Variants in MRGPRX1 observed in about 807,000 individuals in gnomAD.
The protein encoded by MRGPRX1 is mas-related G protein-coupled receptor member X1.
For missense variants in MRGPRX1, 411 were observed against 393.8 expected (o/e 1.04, Z -0.37); for synonymous variants, 208 against 170.4 (o/e 1.22, Z -1.72).
In MRGPRX1 at chr11:18,934,780, T is replaced by A. The variant is rs778923998; in HGVS notation, c.5A>T (p.Asp2Val). M[D>V]PTISTLDTEL... is the part of the protein sequence containing the mutation. ...TGTGTCCAAGGTTGAGATGGTTGGA[T>A]CCATGCTCAGAAACCCTAGTCTGGT... Residue 2 changes from aspartate (D) to valine (V), a missense_variant, in exon 2 of 2, where the codon GAT (aspartate) becomes GTT (valine). Transcript: ENST00000526914. The A allele has an allele frequency of 7.0e-6, 11 of 1,565,574 alleles. No individual in the cohort carries two copies. The South Asian group carries it at 1.3e-4, about 19-fold the overall frequency.
rs1423587948 is a variant in MRGPRX1 at position 18,934,613 on chromosome 11, T to C, written c.172A>G (p.Arg58Gly). 7.5e-6 allele frequency: 12 copies of C among 1,609,936 alleles called. No individual in the cohort carries two copies. The highest frequency in any genetic ancestry group is 1.3e-5 in the African/African-American group (1 of 74,698). Residue 58 changes from arginine to glycine, a missense_variant, in exon 2 of 2, where the codon AGG (arginine) becomes GGG (glycine). Arg to Gly is a moderately radical substitution (Grantham distance 125, BLOSUM62 -2). Transcript: ENST00000526914. ...AGGATGTAGATGGAGAAGGCGTTCC[T>C]GCGCATGCGGCAGCCCAGGAGCCAG... ...VLWLLGCRMR[R>G]NAFSIYILNL... is the part of the protein sequence containing the mutation.
At position 18,934,658 on chromosome 11, in the gene MRGPRX1, T is replaced by A; in HGVS notation, c.127A>T (p.Thr43Ser). 1 of 1,610,806 alleles carries A rather than the reference T, an allele frequency of 6.2e-7. No individual in the cohort carries two copies. The highest frequency in any genetic ancestry group is 2.2e-5 in the East Asian group (1 of 44,790). Residue 43 changes from threonine to serine, a missense_variant, in exon 2 of 2, where the codon ACA (threonine) becomes TCA (serine). By Grantham distance (58) the Thr-to-Ser change is moderately conservative (BLOSUM62 1). Transcript: ENST00000526914. ...LTCIVSLVGL[T>S]GNAVVLWLLG... The stretch of plus-strand genomic sequence containing the variant: ...AGCCAGAGCACAACTGCGTTTCCTG[T>A]CAGCCCGACAAGGGAAACGATGCAC...
In MRGPRX1 at chr11:18,934,272, A is replaced by G. The variant is rs1205241881; in HGVS notation, c.513T>C (p.Ala171=). The part of the protein sequence containing the change: ...CGFLFSGADS[A]WCQTSDFITV... The stretch of plus-strand genomic sequence containing the variant: ...TGATGAAATCTGATGTTTGACACCA[A>G]GCAGAATCAGCACCACTGAACAGGA... The change falls in exon 2 of 2, where the codon GCT becomes GCC. Residue 171 remains alanine (A), a synonymous_variant. Transcript: ENST00000526914. 6 of 1,610,528 alleles carry G rather than the reference A, an allele frequency of 3.7e-6. 1 individual carries two copies. Among genetic ancestry groups the G allele is most frequent in the African/African-American group, 2.7e-5 (2 of 74,638 alleles).
Position 18,936,923 on chromosome 11 carries a change from G to A in MRGPRX1, c.-25-2114C>T, listed in dbSNP as rs781082039. Among the ~76,000 whole-genome samples the A allele has an allele frequency of 3.6e-4, 55 of 151,484 alleles. 1 individual carries two copies. Among genetic ancestry groups the A allele is most frequent in the Non-Finnish European group, 6.0e-4 (41 of 67,810 alleles). On this transcript the variant is annotated intron_variant, in intron 1 of 1. Coordinates refer to ENST00000526914, the MANE Select transcript of MRGPRX1 (RefSeq NM_001393578.1). Reference sequence around the variant, plus strand: ...TGAGACTTCTGTATGGTTCTCTGCCGCATGATTCATTATTTCAGAGGAGTT... The same window carrying A: ...TGAGACTTCTGTATGGTTCTCTGCCACATGATTCATTATTTCAGAGGAGTT...
chr11:18,935,692 G>A (rs1030629313), intron 1 of MRGPRX1, among the ~76,000 whole-genome samples: 16 of 151,434 alleles, frequency 1.1e-4, no homozygotes, highest in African/African-American at 3.9e-4. Flanking sequence ...GGTCTGAGCT[G>A]AATTGCTCAG....
intron 1 of MRGPRX1, among the ~76,000 whole-genome samples, chr11:18,935,669 T>C (rs1248384142): frequency 6.6e-6 from 1 of 151,388 alleles, no homozygotes; most frequent in Non-Finnish European, 1.5e-5. Context: ...CACAGTGTTT[T>C]GGGTAGGGTG....
intron 1 of MRGPRX1, among the ~76,000 whole-genome samples, chr11:18,935,909 T>C (rs930402530): frequency 4.0e-5 from 6 of 151,396 alleles, no homozygotes; most frequent in African/African-American, 1.5e-4. Context: ...TGAGGCGAAA[T>C]AGGAGATATG....
intron 1 of MRGPRX1, chr11:18,935,045 A>T: frequency 2.3e-6 from 1 of 431,530 alleles, no homozygotes; most frequent in Non-Finnish European, 4.1e-6. Context: ...TGGGAATAAC[A>T]TTAGGATCAA....
intron 1 of MRGPRX1, among the ~76,000 whole-genome samples, chr11:18,936,897 A>T (rs1363425940): frequency 1.3e-5 from 2 of 151,520 alleles, no homozygotes; most frequent in African/African-American, 4.8e-5. Flanking sequence ...GGAGCCCTGC[A>T]TGAGACTTCT....
intron 1 of MRGPRX1, 158 bp from the exon 2 acceptor site, chr11:18,934,967 T>C: frequency 1.2e-6 from 1 of 804,724 alleles, no homozygotes; most frequent in East Asian, 2.8e-5. Flanking sequence ...AAATCCAGTT[T>C]GAAATCCAGT....
Position 18,933,713 on chromosome 11 carries a change from A to G in MRGPRX1, c.*103T>C. On this transcript the variant is annotated 3_prime_UTR_variant, in exon 2 of 2. Coordinates refer to ENST00000526914, the MANE Select transcript of MRGPRX1 (RefSeq NM_001393578.1). ...ATTTGAAGACCTTGAGGAACCACTG[A>G]GACATTTCTGAGGCAGAAGGCTAAG... is the stretch of plus-strand genomic sequence containing the variant. The G allele has an allele frequency of 6.7e-7, 1 of 1,498,134 alleles. No homozygotes were observed. Among genetic ancestry groups the G allele is most frequent in the Non-Finnish European group, 8.9e-7 (1 of 1,119,014 alleles). The allele number at this position is 1,498,134 out of a possible 1,614,324, so 92.8% of individuals were successfully genotyped here.
chr11:18,935,699 T>C (rs989195291), intron 1 of MRGPRX1, among the ~76,000 whole-genome samples: 3 of 151,426 alleles, frequency 2.0e-5, no homozygotes, highest in African/African-American at 7.3e-5. Flanking sequence ...GCTGAATTGC[T>C]CAGCAATAGA....
rs766397908 is a variant in MRGPRX1, at chr11:18,933,982, T to C, written c.803A>G (p.Asn268Ser). 6.2e-7 allele frequency: 1 copy of C among 1,610,600 alleles called. No homozygotes were observed. The stretch of plus-strand genomic sequence containing the variant: ...GCCCACGAAGAAGTAAATGATGGGG[T>C]TGGCACTGCTGTTAAGAGCGGACAG... The part of the protein sequence containing the change: ...IFLSALNSSA[N>S]PIIYFFVGSF... Residue 268 changes from asparagine to serine, a missense_variant, in exon 2 of 2, where the codon AAC (asparagine) becomes AGC (serine). Physicochemically the swap from Asn to Ser is conservative, Grantham distance 46. Coordinates refer to ENST00000526914, the MANE Select transcript of MRGPRX1 (RefSeq NM_001393578.1).
At position 18,934,665 on chromosome 11, in the gene MRGPRX1, G is replaced by T. The variant is rs190202266; in HGVS notation, c.120C>A (p.Val40=). ...LTVLTCIVSL[V]GLTGNAVVLW... is the part of the protein sequence containing the mutation. ...GCACAACTGCGTTTCCTGTCAGCCC[G>T]ACAAGGGAAACGATGCACGTCAGCA... The change falls in exon 2 of 2, where the codon GTC becomes GTA. Residue 40 remains valine, a synonymous_variant. Transcript: ENST00000526914. 6 of 1,610,840 alleles carry T rather than the reference G, an allele frequency of 3.7e-6. No homozygotes were observed. The highest frequency in any genetic ancestry group is 3.3e-5 in the South Asian group (3 of 90,776).
intron 1 of MRGPRX1, among the ~76,000 whole-genome samples, chr11:18,938,875 C>G (rs1454075292): frequency 6.6e-6 from 1 of 151,524 alleles, no homozygotes; most frequent in Non-Finnish European, 1.5e-5. Context: ...TTTGGACCAC[C>G]TATTTCTTCC....
Position 18,937,446 on chromosome 11 carries a change from T to C in MRGPRX1, c.-26+1834A>G, listed in dbSNP as rs901403449. Among the ~76,000 whole-genome samples the C allele has an allele frequency of 2.2e-4, 33 of 151,494 alleles. 2 individuals are homozygous for C. Among genetic ancestry groups the C allele is most frequent in the Admixed American group, 1.7e-3 (25 of 15,130 alleles). On this transcript the variant is annotated intron_variant, in intron 1 of 1. Transcript: ENST00000526914. ...CACACCAAAATCTGCAGATGCTCAA[T>C]TTCCTTATATAAAATGATGTGATAG...
rs375703928 is a variant in MRGPRX1 at position 18,933,838 on chromosome 11, G to T, written c.947C>A (p.Ser316Ter). ...TCCTCACTGCTCCAATCTGCTTCCC[G>T]ACAGCTCCAGGATTTCCTCAGGAAG... ...GQLPEEILEL[S>*]GSRLEQ The change falls in exon 2 of 2, where the codon TCG becomes TAG. Residue 316 changes from serine (S) to a stop codon, truncating the protein, a stop_gained. Coordinates refer to ENST00000526914, the MANE Select transcript of MRGPRX1 (RefSeq NM_001393578.1). LOFTEE classifies it low-confidence loss of function (END_TRUNC). 6.2e-7 allele frequency: 1 copy of T among 1,608,642 alleles called. No individual in the cohort carries two copies. Among genetic ancestry groups the T allele is most frequent in the Non-Finnish European group, 8.5e-7 (1 of 1,177,228 alleles).
chr11:18,934,108 A>T lies in MRGPRX1; in HGVS notation c.677T>A (p.Leu226His), dbSNP rs1848814944. 6.2e-7 allele frequency: 1 copy of T among 1,610,890 alleles called. No homozygotes were observed. The highest frequency in any genetic ancestry group is 1.1e-5 in the South Asian group (1 of 90,804). ...AATGCCAAAGGGCAGGCCACAGAGG[A>T]GGAAGACCAGTACTGTGAGCAGGAT... ...VTILLTVLVF[L>H]LCGLPFGIQF... The change falls in exon 2 of 2, where the codon CTC (leucine) becomes CAC (histidine). Residue 226 changes from leucine (L) to histidine (H), a missense_variant. Physicochemically the swap from Leu to His is moderately conservative, Grantham distance 99 (BLOSUM62 -3). Coordinates refer to ENST00000526914, the MANE Select transcript of MRGPRX1 (RefSeq NM_001393578.1).
At position 18,939,093 on chromosome 11, in the gene MRGPRX1, G is replaced by T. The variant is rs577237973; in HGVS notation, c.-26+187C>A. 1.1e-4 allele frequency among the ~76,000 whole-genome samples: 16 copies of T among 151,414 alleles called. No homozygotes were observed. The South Asian group carries it at 3.1e-3, about 30-fold the overall frequency. The stretch of plus-strand genomic sequence containing the variant: ...ATATGGACAGATAAATCAAATGGGG[G>T]GACTCCAGTTGAAACTCACACAGTC... On this transcript the variant is annotated intron_variant, in intron 1 of 1. Coordinates refer to ENST00000526914, the MANE Select transcript of MRGPRX1 (RefSeq NM_001393578.1).
Sources: allele counts gnomAD v4.1 joint callset (sites outside exome capture counted in the v4.1 genomes callset), GRCh38; gene constraint gnomAD v4.1.1; transcripts MANE v1.5; gene names NCBI Gene and HGNC (gene_info 2026-07-23, HGNC 2026-07-21).